SH3PXD2A: variants seen among roughly 807,000 people sequenced by gnomAD.
SH3PXD2A encodes the protein SH3 and PX domains 2A.
A neutral mutation model predicts 115.2 loss-of-function variants in SH3PXD2A; 32 were observed. The observed-to-expected ratio is 0.28, with a 90% CI of 0.21 to 0.37. The LOEUF (loss-of-function observed/expected upper bound fraction) is 0.37. Among genes scored for constraint, SH3PXD2A ranks in the 10% least tolerant of loss-of-function variants. SH3PXD2A has a pLI of 1.00. For synonymous variants in SH3PXD2A, 610 were observed against 629.1 expected, an observed-to-expected ratio of 0.97 and a Z score of 0.45; for missense variants, 1,328 against 1,498.7, an observed-to-expected ratio of 0.89 and a Z score of 1.88.
intron 8 of SH3PXD2A, among the ~76,000 whole-genome samples, chr10:103,659,938 C>G (rs546729053): frequency 1.3e-5 from 2 of 152,112 alleles, no homozygotes; most frequent in Non-Finnish European, 2.9e-5. Context: ...CTCCCTTCCC[C>G]GCAACCTCCC....
intron 1 of SH3PXD2A, among the ~76,000 whole-genome samples, chr10:103,831,880 C>A (rs1269562710): frequency 6.6e-6 from 1 of 152,180 alleles, no homozygotes; most frequent in Non-Finnish European, 1.5e-5. Flanking sequence ...TTTAACTGTT[C>A]TGGGCATTTC....
chr10:103,610,378 A>G (rs547477954), intron 13 of SH3PXD2A, among the ~76,000 whole-genome samples: 1 of 152,358 alleles, frequency 6.6e-6, no homozygotes, highest in East Asian at 1.9e-4. Context: ...ATTCTTGCCA[A>G]AATCAAGTCT....
At chr10:103,824,004 A>G (rs1185336069) in intron 1 of SH3PXD2A, among the ~76,000 whole-genome samples, 1 of 152,230 alleles carries the variant, frequency 6.6e-6, no homozygotes, top group Non-Finnish European at 1.5e-5. Flanking sequence ...TGTCCCTCAT[A>G]TTGTCCCTTG....
At position 103,602,883 on chromosome 10, in the gene SH3PXD2A, G is replaced by A. The variant is rs866660950; in HGVS notation, c.2335C>T (p.Arg779Trp). ...TGGCCTGTGGGTCTCAGCTGGCGCC[G>A]TAAAGTGCTGATGTCCATCTTCTCT... ...SQEKMDISTL[R>W]RQLRPTGQLR... The change falls in exon 15 of 15, where the codon CGG becomes TGG. Residue 779 changes from arginine to tryptophan, a missense_variant. By Grantham distance (101) the Arg-to-Trp change is moderately radical (BLOSUM62 -3). Coordinates refer to ENST00000369774, the MANE Select transcript of SH3PXD2A (RefSeq NM_001394015.1). 5 of 1,613,792 alleles carry A rather than the reference G, an allele frequency of 3.1e-6. No individual in the cohort carries two copies. The highest frequency in any genetic ancestry group is 1.7e-5 in the Admixed American group (1 of 59,998).
chr10:103,601,112 G>T lies in SH3PXD2A; in HGVS notation c.*704C>A, dbSNP rs1030362225. 2.0e-4 allele frequency: 31 copies of T among 152,240 alleles called. No homozygotes were observed. The highest frequency in any genetic ancestry group is 7.5e-4 in the African/African-American group (31 of 41,446). The allele number at this position is 152,240 out of a possible 1,614,324, so 9.4% of individuals were successfully genotyped here. On this transcript the variant is annotated 3_prime_UTR_variant, in exon 15 of 15. Transcript: ENST00000369774. ...AACTCTGGTACTGTGTCCTCCATGG[G>T]GTGCCCCACGGAGAGCGGGCTCTCT... is the stretch of plus-strand genomic sequence containing the variant.
At chr10:103,641,840 G>A (rs932819567) in intron 8 of SH3PXD2A, among the ~76,000 whole-genome samples, 4 of 152,204 alleles carry the variant, frequency 2.6e-5, no homozygotes, top group East Asian at 1.9e-4. Flanking sequence ...GTTCTGGCAC[G>A]AGATCTCACC....
At chr10:103,639,168 A>G (rs930809072) in intron 8 of SH3PXD2A, among the ~76,000 whole-genome samples, 4 of 152,130 alleles carry the variant, frequency 2.6e-5, no homozygotes, top group African/African-American at 7.2e-5. Context: ...GGGTGATACA[A>G]TGCTTGCCAA....
At chr10:103,697,587 G>A (rs1417485263) in intron 5 of SH3PXD2A, among the ~76,000 whole-genome samples, 2 of 152,112 alleles carry the variant, frequency 1.3e-5, no homozygotes, top group African/African-American at 4.8e-5. Context: ...CACAGGAATG[G>A]ACGCACGCCT....
At chr10:103,823,965 T>C (rs1168484256) in intron 1 of SH3PXD2A, among the ~76,000 whole-genome samples, 1 of 152,240 alleles carries the variant, frequency 6.6e-6, no homozygotes, top group East Asian at 1.9e-4. Context: ...CACACCCTAA[T>C]GCCTCACTCG....
intron 5 of SH3PXD2A, among the ~76,000 whole-genome samples, chr10:103,713,916 G>A (rs892525863): frequency 2.0e-5 from 3 of 152,178 alleles, no homozygotes; most frequent in African/African-American, 4.8e-5. Flanking sequence ...CCAGGGCCCC[G>A]AGAGTGGGGA....
rs2036135875 is a variant in SH3PXD2A at position 103,596,628 on chromosome 10, T to TAC, written c.*5186_*5187dup. On this transcript the variant is annotated 3_prime_UTR_variant, in exon 15 of 15. Coordinates refer to ENST00000369774, the MANE Select transcript of SH3PXD2A (RefSeq NM_001394015.1). ...AAGTGGGAAGTTACCAACACTTGCA[T>TAC]ACACAGACACACACACACACACACA... 2.3e-5 allele frequency: 2 copies of TAC among 85,502 alleles called. No individual in the cohort carries two copies. The highest frequency in any genetic ancestry group is 4.9e-5 in the African/African-American group (1 of 20,542). 5.3% of individuals were successfully genotyped at this position (85,502 alleles called of 1,614,324 possible).
chr10:103,702,154 T>TCACCATCCATC (rs1053260952), intron 5 of SH3PXD2A, among the ~76,000 whole-genome samples: 3 of 125,286 alleles, frequency 2.4e-5, no homozygotes, highest in Admixed American at 7.6e-5. Flanking sequence ...CATCATCCAT[T>TCACCATCCATC]CACCATCCAT....
chr10:103,792,943 A>AT (rs1344599223), intron 2 of SH3PXD2A, among the ~76,000 whole-genome samples: 5 of 152,088 alleles, frequency 3.3e-5, no homozygotes, highest in African/African-American at 1.2e-4. Flanking sequence ...AGGTAATGTG[A>AT]TTTTTATAAT....
At chr10:103,615,701 A>G (rs909263813) in intron 11 of SH3PXD2A, among the ~76,000 whole-genome samples, 2 of 152,010 alleles carry the variant, frequency 1.3e-5, no homozygotes, top group Non-Finnish European at 2.9e-5. Context: ...GGCCATGGGG[A>G]TAGGAGCGGA....
chr10:103,635,294 A>G (rs1185853907), intron 8 of SH3PXD2A, among the ~76,000 whole-genome samples: 1 of 152,154 alleles, frequency 6.6e-6, no homozygotes, highest in African/African-American at 2.4e-5. Context: ...AGGAAGCAGG[A>G]TCTTTTGGGA....
intron 5 of SH3PXD2A, among the ~76,000 whole-genome samples, chr10:103,714,373 C>T (rs1234477661): frequency 6.6e-6 from 1 of 152,228 alleles, no homozygotes; most frequent in Non-Finnish European, 1.5e-5. Flanking sequence ...CTGCCACCTT[C>T]CTCCCCACCC....
chr10:103,761,513 A>G (rs2038699416), intron 3 of SH3PXD2A, among the ~76,000 whole-genome samples: 1 of 152,250 alleles, frequency 6.6e-6, no homozygotes, highest in African/African-American at 2.4e-5. Flanking sequence ...TGTAATCATT[A>G]AAATAATAAG....
chr10:103,798,363 G>A (rs1348216205), intron 2 of SH3PXD2A, among the ~76,000 whole-genome samples: 1 of 152,138 alleles, frequency 6.6e-6, no homozygotes, highest in Non-Finnish European at 1.5e-5. Flanking sequence ...AGGCTGGAGT[G>A]CAGTGGTGCA....
At chr10:103,735,704 C>T (rs996741047) in intron 4 of SH3PXD2A, 28 bp downstream of exon 4, 1 of 1,493,776 alleles carries the variant, frequency 6.7e-7, no homozygotes, top group Non-Finnish European at 9.3e-7. Context: ...TCCCCGAGCC[C>T]CTCCCCCAGC....
Sources: allele counts gnomAD v4.1 joint callset (sites outside exome capture counted in the v4.1 genomes callset), GRCh38; gene constraint gnomAD v4.1.1; transcripts MANE v1.5; gene names NCBI Gene and HGNC (gene_info 2026-07-23, HGNC 2026-07-21).